Variants in TSPAN16 observed in about 807,000 individuals in gnomAD.
TSPAN16 encodes tetraspanin-16.
In TSPAN16, 23 loss-of-function variants were observed where a neutral mutation model predicts 25.2. The ratio of observed to expected loss-of-function variants is 0.91; its 90% confidence interval spans 0.66 to 1.29. TSPAN16 has a LOEUF of 1.29. Among genes scored for constraint, TSPAN16 ranks in the 50% most tolerant of loss-of-function variants. TSPAN16 has a pLI of 0.00. For synonymous variants in TSPAN16, 123 were observed against 124.4 expected (o/e 0.99, Z 0.08); for missense variants, 272 against 299.9 (o/e 0.91, Z 0.69).
At position 11,305,363 on chromosome 19, in the gene TSPAN16, C is replaced by G. The variant is rs894756127; in HGVS notation, c.451-1241C>G. Reference sequence around the variant, plus strand: ...TGGCCAACATAGCGAAACCCCGTCTCTACTAAAAATACAAAAATTAGCCGG... The same window carrying G: ...TGGCCAACATAGCGAAACCCCGTCTGTACTAAAAATACAAAAATTAGCCGG... On this transcript the variant is annotated intron_variant, in intron 4 of 6. Coordinates refer to ENST00000590327, the MANE Select transcript of TSPAN16 (RefSeq NM_001282509.2). Among the ~76,000 whole-genome samples, 13 of 151,506 alleles carry G rather than the reference C, an allele frequency of 8.6e-5. No individual in the cohort carries two copies. In the Admixed American group the frequency reaches 8.6e-4, roughly 10 times the overall value.
At chr19:11,324,878 G>C (rs2080802298) in intron 6 of TSPAN16, 1 of 152,638 alleles carries the variant, frequency 6.6e-6, no homozygotes, top group Non-Finnish European at 1.5e-5. Flanking sequence ...TTGGAATCCA[G>C]AAAGTTCGTG....
intron 4 of TSPAN16, among the ~76,000 whole-genome samples, chr19:11,304,683 C>G (rs916296560): frequency 6.6e-6 from 1 of 151,740 alleles, no homozygotes; most frequent in Admixed American, 6.6e-5. Flanking sequence ...TGCCATCACG[C>G]CCGGCTAATT....
intron 5 of TSPAN16, among the ~76,000 whole-genome samples, chr19:11,311,915 G>A (rs1469665458): frequency 1.3e-5 from 2 of 152,076 alleles, no homozygotes; most frequent in Admixed American, 6.6e-5. Context: ...GGGAATCATC[G>A]GTATATTCTT....
At chr19:11,320,973 A>C (rs1320223272) in intron 6 of TSPAN16, among the ~76,000 whole-genome samples, 3 of 152,146 alleles carry the variant, frequency 2.0e-5, no homozygotes, top group Non-Finnish European at 4.4e-5. Context: ...GTTCGAGACC[A>C]GCCTGGCCAA....
intron 4 of TSPAN16, among the ~76,000 whole-genome samples, chr19:11,304,079 G>A (rs2080599767): frequency 1.3e-5 from 2 of 151,758 alleles, no homozygotes; most frequent in Non-Finnish European, 2.9e-5. Flanking sequence ...ACCGTGCACG[G>A]CCAATTTTCT....
downstream of TSPAN16, among the ~76,000 whole-genome samples, chr19:11,318,022 TTTATTA>T (rs908770082): frequency 2.6e-5 from 4 of 151,562 alleles, no homozygotes; most frequent in African/African-American, 9.7e-5. Context: ...ATCCTGATCT[TTTATTA>T]TTATTATTAT....
At position 11,307,122 on chromosome 19, in the gene TSPAN16, T is replaced by TTAG. The variant is rs2080637503; in HGVS notation, c.603+367_603+368insAGT. ...TGTACCCAGCCTTTTTATTTATTTA[T>TTAG]TTAGTTAGTTATTTTGAGATGGAGT... On this transcript the variant is annotated intron_variant, in intron 5 of 6. Coordinates refer to ENST00000590327, the MANE Select transcript of TSPAN16 (RefSeq NM_001282509.2). Among the ~76,000 whole-genome samples the TTAG allele has an allele frequency of 1.9e-4, 28 of 150,436 alleles. No individual in the cohort carries two copies. In the South Asian group the frequency reaches 5.0e-3, roughly 27 times the overall value.
In TSPAN16 at chr19:11,310,091, G is replaced by A. The variant is rs189080036; in HGVS notation, c.604-2048G>A. Reference sequence around the variant, plus strand: ...CTGCATCCAGTCTGAGTGACAGGACGAGACCCAATCTAAGAAAAAAAAAAA... The same window carrying A: ...CTGCATCCAGTCTGAGTGACAGGACAAGACCCAATCTAAGAAAAAAAAAAA... On this transcript the variant is annotated intron_variant, in intron 5 of 6. Coordinates refer to ENST00000590327, the MANE Select transcript of TSPAN16 (RefSeq NM_001282509.2). 3.4e-3 allele frequency among the ~76,000 whole-genome samples: 510 copies of A among 151,822 alleles called. 3 individuals are homozygous for A. Among genetic ancestry groups the A allele is most frequent in the African/African-American group, 0.012 (491 of 41,386 alleles).
At chr19:11,320,110 G>C (rs2080769237), downstream of TSPAN16, among the ~76,000 whole-genome samples, 1 of 125,454 alleles carries the variant, frequency 8.0e-6, no homozygotes, top group East Asian at 2.1e-4. Flanking sequence ...GAGCCACTAC[G>C]CCCGGCCAGG....
chr19:11,316,433 A>G (rs1291354044), downstream of TSPAN16, among the ~76,000 whole-genome samples: 4 of 152,100 alleles, frequency 2.6e-5, no homozygotes. Flanking sequence ...TTTGTAAATT[A>G]TTCTGTGAAA....
At chr19:11,320,952 T>C (rs562798641), downstream of TSPAN16, among the ~76,000 whole-genome samples, 2 of 152,006 alleles carry the variant, frequency 1.3e-5, no homozygotes, top group Admixed American at 6.5e-5. Flanking sequence ...GGGCAGATCA[T>C]GAGGTCAGGC....
At chr19:11,312,759 T>A (rs1443156713) in intron 6 of TSPAN16, among the ~76,000 whole-genome samples, 1 of 151,562 alleles carries the variant, frequency 6.6e-6, no homozygotes, top group Non-Finnish European at 1.5e-5. Flanking sequence ...TGAGATCATG[T>A]CACAAAAAAA....
Position 11,312,220 on chromosome 19 carries a change from CAGGTA to C in TSPAN16, c.687+1_687+5del. On this transcript the variant is annotated splice_donor_variant and splice_donor_region_variant and coding_sequence_variant and intron_variant, in exon 6 of 7. Coordinates refer to ENST00000590327, the MANE Select transcript of TSPAN16 (RefSeq NM_001282509.2). LOFTEE classifies it high-confidence loss of function. Reference sequence around the variant, plus strand: ...GAGCTCTCTGGGAGCTGCAGTGATACAGGTAAGACCCAGCCTCTCTAGGGTCTTTG... The same window carrying C: ...GAGCTCTCTGGGAGCTGCAGTGATACAGACCCAGCCTCTCTAGGGTCTTTG... The C allele has an allele frequency of 6.2e-7, 1 of 1,608,842 alleles. No homozygotes were observed. Among genetic ancestry groups the C allele is most frequent in the Non-Finnish European group, 8.5e-7 (1 of 1,177,588 alleles).
At chr19:11,307,878 A>AGG (rs1351721273) in intron 5 of TSPAN16, 2 of 152,244 alleles carry the variant, frequency 1.3e-5, no homozygotes, top group Non-Finnish European at 2.9e-5. Context: ...AGGCTCGGGG[A>AGG]GGGGACATCA....
Position 11,302,706 on chromosome 19 carries a change from CAT to C in TSPAN16, c.450+1400_450+1401del, listed in dbSNP as rs1309139238. On this transcript the variant is annotated intron_variant, in intron 4 of 6. Coordinates refer to ENST00000590327, the MANE Select transcript of TSPAN16 (RefSeq NM_001282509.2). ...ACACACACACACACACACACACACA[CAT>C]ACATATATATATTCACATATATATT... Among the ~76,000 whole-genome samples, 58 of 142,478 alleles carry C rather than the reference CAT, an allele frequency of 4.1e-4. 1 individual carries two copies. Among genetic ancestry groups the C allele is most frequent in the Admixed American group, 5.7e-4 (8 of 14,060 alleles). The allele number at this position is 142,478 out of a possible 152,430, so 93.5% of individuals were successfully genotyped here.
chr19:11,310,473 C>A (rs1444277769), intron 5 of TSPAN16, among the ~76,000 whole-genome samples: 1 of 151,144 alleles, frequency 6.6e-6, no homozygotes, highest in Non-Finnish European at 1.5e-5. Flanking sequence ...CAAGTTAGCG[C>A]CACTACACTC....
At chr19:11,307,026 G>A (rs967292717) in intron 5 of TSPAN16, among the ~76,000 whole-genome samples, 3 of 152,092 alleles carry the variant, frequency 2.0e-5, no homozygotes, top group Non-Finnish European at 4.4e-5. Flanking sequence ...TGTTGGCCAG[G>A]CTGGTCTCGA....
intron 4 of TSPAN16, among the ~76,000 whole-genome samples, chr19:11,303,097 G>A (rs1200359629): frequency 2.7e-5 from 4 of 150,164 alleles, no homozygotes; most frequent in Non-Finnish European, 5.9e-5. Flanking sequence ...TGACAATCGC[G>A]GCTTTGTGGA....
chr19:11,310,227 G>A (rs1400592550), intron 5 of TSPAN16, among the ~76,000 whole-genome samples: 1 of 152,060 alleles, frequency 6.6e-6, no homozygotes, highest in Non-Finnish European at 1.5e-5. Flanking sequence ...CTCTGGAAGT[G>A]CAGGAAGAAG....
Sources: allele counts gnomAD v4.1 joint callset (sites outside exome capture counted in the v4.1 genomes callset), GRCh38; gene constraint gnomAD v4.1.1; transcripts MANE v1.5; gene names NCBI Gene and HGNC (gene_info 2026-07-23, HGNC 2026-07-21).